The following EBF3 variants were observed in gnomAD, a reference collection of about 807,000 sequenced individuals.
EBF3 encodes the protein transcription factor COE3.
Under a neutral mutation model 77.1 loss-of-function variants are expected in EBF3, and 18 were observed. That is an observed-to-expected ratio of 0.23 (90% confidence interval 0.16 to 0.35). The LOEUF is 0.35. Among genes scored for constraint, EBF3 ranks in the 10% least tolerant of loss-of-function variants. EBF3 has a pLI of 1.00. For missense variants in EBF3, 558 were observed against 860.0 expected (o/e 0.65, Z 4.39); for synonymous variants, 350 against 343.5 (o/e 1.02, Z -0.21).
In EBF3 at chr10:129,963,708, C is replaced by G; in HGVS notation, c.61G>C (p.Gly21Arg). 1 of 1,536,016 alleles carries G rather than the reference C, an allele frequency of 6.5e-7. No individual in the cohort carries two copies. The highest frequency in any genetic ancestry group is 8.8e-7 in the Non-Finnish European group (1 of 1,135,728). Residue 21 changes from glycine to arginine, a missense_variant, in exon 1 of 17, where the codon GGC becomes CGC. Transcript: ENST00000440978. This position sits in a 1 kb window ranked among gnomAD's most constrained non-coding sequence, Gnocchi z 7.1. ...GAGCGCACCGGGTTCATGCCGCTGC[C>G]CAGCGGCTCCTCCTTCATGGTCGTC... ...GGTTMKEEPL[G>R]SGMNPVRSWM...
At position 129,957,326 on chromosome 10, in the gene EBF3, G is replaced by A; in HGVS notation, c.486C>T (p.Ser162=). 1 of 1,607,554 alleles carries A rather than the reference G, an allele frequency of 6.2e-7. No individual in the cohort carries two copies. The highest frequency in any genetic ancestry group is 1.1e-5 in the South Asian group (1 of 90,132). The change falls in exon 6 of 17, where the codon AGC becomes AGT. Residue 162 remains serine, a splice_region_variant and synonymous_variant. Transcript: ENST00000440978. ...CACAACTTTTCTTGTCACAGCACCG[G>A]CTGTGGAGCAATTGTAAACAGTGGT... ...RVLLTHEIMC[S]RCCDKKSCGN...
chr10:129,959,677 G>A (rs546005405), intron 4 of EBF3, among the ~76,000 whole-genome samples: 2 of 151,992 alleles, frequency 1.3e-5, no homozygotes, highest in Non-Finnish European at 2.9e-5. Flanking sequence ...AGCTCCCGGG[G>A]CCTCCCTGAG....
At chr10:129,840,022 G>A (rs1293238604) in intron 15 of EBF3, among the ~76,000 whole-genome samples, 1 of 152,258 alleles carries the variant, frequency 6.6e-6, no homozygotes, top group Non-Finnish European at 1.5e-5. Flanking sequence ...GGAAGGGTGA[G>A]CTGGACAAAA....
At chr10:129,882,155 T>C (rs1028042179) in intron 6 of EBF3, among the ~76,000 whole-genome samples, 1 of 152,290 alleles carries the variant, frequency 6.6e-6, no homozygotes, top group African/African-American at 2.4e-5. Context: ...TATTTACTTT[T>C]ATGAAGCTGA....
At position 129,897,179 on chromosome 10, in the gene EBF3, T is replaced by A. The variant is rs1854454225; in HGVS notation, c.555-19330A>T. Among the ~76,000 whole-genome samples the A allele has an allele frequency of 6.6e-6, 1 of 152,108 alleles. No homozygotes were observed. Among genetic ancestry groups the A allele is most frequent in the South Asian group, 2.1e-4 (1 of 4,812 alleles). ...ATGAGCACTGTGGTCACAGACACAC[T>A]CGCGGTGTACACGGGCCCTCCACGC... On this transcript the variant is annotated intron_variant, in intron 6 of 16. Transcript: ENST00000440978. The surrounding 1 kb of genome is among the most constrained non-coding windows in gnomAD (Gnocchi z 4.6).
chr10:129,857,771 C>A (rs988911730), intron 10 of EBF3, among the ~76,000 whole-genome samples: 1 of 152,104 alleles, frequency 6.6e-6, no homozygotes, highest in African/African-American at 2.4e-5. Flanking sequence ...GGTATGTCAC[C>A]CCACCTGATA....
rs559103404 is a variant in EBF3 at position 129,854,411 on chromosome 10, G to A, written c.1040-5931C>T. ...TGGATGAAAAGCGGCCAGGGCAGCTGAGAGGAGGGCTACGTTTTAGATGGG... is the reference window on the plus strand; with the variant it reads ...TGGATGAAAAGCGGCCAGGGCAGCTAAGAGGAGGGCTACGTTTTAGATGGG... On this transcript the variant is annotated intron_variant, in intron 10 of 16. Transcript: ENST00000440978. Among the ~76,000 whole-genome samples, 104 of 152,270 alleles carry A rather than the reference G, an allele frequency of 6.8e-4. 1 individual carries two copies. In the South Asian group the frequency reaches 0.021, roughly 31 times the overall value.
intron 11 of EBF3, among the ~76,000 whole-genome samples, chr10:129,846,108 T>TTGTGTGTGTGTGTGTGTG (rs10530522): frequency 1.2e-3 from 164 of 139,688 alleles, no homozygotes; most frequent in African/African-American, 4.0e-3. Context: ...ATTCTGGGCT[T>TTGTGTGTGTGTGTGTGTG]TGTGTGTGTG....
Position 129,943,896 on chromosome 10 carries a change from C to G in EBF3, c.554+13362G>C, listed in dbSNP as rs1233615152. 6.6e-6 allele frequency among the ~76,000 whole-genome samples: 1 copy of G among 152,218 alleles called. No homozygotes were observed. The highest frequency in any genetic ancestry group is 1.5e-5 in the Non-Finnish European group (1 of 68,050). On this transcript the variant is annotated intron_variant, in intron 6 of 16. Transcript: ENST00000440978. This position sits in a 1 kb window ranked among gnomAD's most constrained non-coding sequence, Gnocchi z 8.8. Reference sequence around the variant, plus strand: ...GCGCTGGCCTTCGGCGCAGACCCAGCTGAAACCGTAAAATGCTCGGTAAAA... The same window carrying G: ...GCGCTGGCCTTCGGCGCAGACCCAGGTGAAACCGTAAAATGCTCGGTAAAA...
chr10:129,868,567 A>G (rs977971682), intron 8 of EBF3, among the ~76,000 whole-genome samples: 7 of 151,356 alleles, frequency 4.6e-5, no homozygotes, highest in Non-Finnish European at 1.0e-4. Context: ...AGTTATTACA[A>G]TGGTGCTGCT....
rs544010152 is a variant in EBF3 at position 129,935,087 on chromosome 10, C to T, written c.554+22171G>A. The stretch of plus-strand genomic sequence containing the variant: ...GGATGTACTCATCCTAACACATTAG[C>T]TGTAGCTGGTGGTCCGGTTCCCTAA... On this transcript the variant is annotated intron_variant, in intron 6 of 16. Coordinates refer to ENST00000440978, the MANE Select transcript of EBF3 (RefSeq NM_001375380.1). This position sits in a 1 kb window ranked among gnomAD's most constrained non-coding sequence, Gnocchi z 4.2. Among the ~76,000 whole-genome samples the T allele has an allele frequency of 2.0e-5, 3 of 152,306 alleles. No homozygotes were observed. The highest frequency in any genetic ancestry group is 7.2e-5 in the African/African-American group (3 of 41,558).
chr10:129,895,569 G>A (rs1014523738), intron 6 of EBF3, among the ~76,000 whole-genome samples: 7 of 152,168 alleles, frequency 4.6e-5, no homozygotes, highest in Admixed American at 2.6e-4. Context: ...GTCATCAGGG[G>A]ACAAAGGAGT....
intron 6 of EBF3, among the ~76,000 whole-genome samples, chr10:129,904,657 T>C (rs951010967): frequency 1.3e-5 from 2 of 151,916 alleles, no homozygotes; most frequent in Non-Finnish European, 2.9e-5. Context: ...GATGGATGGA[T>C]GGAGACAGAC....
rs1853495853 is a variant in EBF3 at position 129,885,322 on chromosome 10, G to T, written c.555-7473C>A. On this transcript the variant is annotated intron_variant, in intron 6 of 16. Coordinates refer to ENST00000440978, the MANE Select transcript of EBF3 (RefSeq NM_001375380.1). The surrounding 1 kb of genome is among the most constrained non-coding windows in gnomAD (Gnocchi z 4.0). ...TATGACTCGCATTAAACTTTTCCGG[G>T]TGGTTTTAATGTGTTCAGATAAGTA... Among the ~76,000 whole-genome samples the T allele has an allele frequency of 6.6e-6, 1 of 152,114 alleles. No individual in the cohort carries two copies. The highest frequency in any genetic ancestry group is 1.5e-5 in the Non-Finnish European group (1 of 68,028).
rs1849576144 is a variant in EBF3 at position 129,835,753 on chromosome 10, A to AAAG, written c.*2187_*2189dup. The AAAG allele has an allele frequency of 6.6e-6, 1 of 152,218 alleles. No homozygotes were observed. The highest frequency in any genetic ancestry group is 2.4e-5 in the African/African-American group (1 of 41,386). The allele number at this position is 152,218 out of a possible 1,614,324, so 9.4% of individuals were successfully genotyped here. On this transcript the variant is annotated 3_prime_UTR_variant, in exon 17 of 17. Coordinates refer to ENST00000440978, the MANE Select transcript of EBF3 (RefSeq NM_001375380.1). ...TTGATTTTTGTCAAGAAGGTATTTTAAAGTCCCTCCTTTTTGTTTTAAATT... is the reference window on the plus strand; with the variant it reads ...TTGATTTTTGTCAAGAAGGTATTTTAAAGAAGTCCCTCCTTTTTGTTTTAAATT...
At chr10:129,852,550 CTTT>C (rs767966170) in intron 10 of EBF3, among the ~76,000 whole-genome samples, 9 of 152,156 alleles carry the variant, frequency 5.9e-5, no homozygotes, top group East Asian at 1.9e-4. Flanking sequence ...GCTTAACCTT[CTTT>C]GTCAGCCAGC....
At chr10:129,859,830 T>C (rs1231412570) in intron 10 of EBF3, among the ~76,000 whole-genome samples, 2 of 144,100 alleles carry the variant, frequency 1.4e-5, no homozygotes, top group African/African-American at 5.2e-5. Flanking sequence ...GGGAGGGAGC[T>C]TGAGGCACTG....
At position 129,964,191 on chromosome 10, in the gene EBF3, G is replaced by C. The variant is rs1263461450; in HGVS notation, c.-423C>G. The C allele has an allele frequency of 1.0e-6, 1 of 984,886 alleles. No individual in the cohort carries two copies. The highest frequency in any genetic ancestry group is 1.2e-6 in the Non-Finnish European group (1 of 829,798). The allele number at this position is 984,886 out of a possible 1,614,324, so 61.0% of individuals were successfully genotyped here. A position where few individuals can be genotyped will look rare whatever the true frequency, so the allele number is the denominator to read the frequency against. Reference sequence around the variant, plus strand: ...AGTGAGTGCTGCGGCGCAGTCCCGGGCGCAGGCGGGGCGCGGCGGGGCCTG... The same window carrying C: ...AGTGAGTGCTGCGGCGCAGTCCCGGCCGCAGGCGGGGCGCGGCGGGGCCTG... On this transcript the variant is annotated 5_prime_UTR_variant, in exon 1 of 17. Transcript: ENST00000440978. This position sits in a 1 kb window ranked among gnomAD's most constrained non-coding sequence, Gnocchi z 4.5.
chr10:129,933,703 C>A (rs1429801137), intron 6 of EBF3, among the ~76,000 whole-genome samples: 1 of 152,224 alleles, frequency 6.6e-6, no homozygotes, highest in African/African-American at 2.4e-5. Context: ...CTATTCCTTT[C>A]ATCAGCCAGA....
Sources: gnomAD v4.1 joint callset for allele counts (sites outside exome capture counted in the v4.1 genomes callset) on GRCh38, gnomAD v4.1.1 for gene constraint, Gnocchi (gnomAD v3.1) non-coding constraint, MANE v1.5 for transcripts, NCBI Gene and HGNC (gene_info 2026-07-23, HGNC 2026-07-21) for gene names.